GPATCH2L: variants seen among roughly 807,000 people sequenced by gnomAD.
The protein encoded by GPATCH2L is G patch domain-containing protein 2-like.
Under a neutral mutation model 57.4 loss-of-function variants are expected in GPATCH2L, and 31 were observed. The ratio of observed to expected loss-of-function variants is 0.54; its 90% CI spans 0.41 to 0.73. GPATCH2L has a LOEUF of 0.73. Among genes scored for constraint, GPATCH2L ranks in the 30% least tolerant of loss-of-function variants. The pLI is 0.00. For missense variants in GPATCH2L, 481 were observed against 599.9 expected, an observed-to-expected ratio of 0.80 and a Z score of 2.07; for synonymous variants, 199 against 210.7, an observed-to-expected ratio of 0.94 and a Z score of 0.48.
At chr14:76,166,584 T>C in intron 2 of GPATCH2L, 79 bp from the exon 3 acceptor site, 1 of 936,356 alleles carries the variant, frequency 1.1e-6, no homozygotes, top group Non-Finnish European at 1.7e-6. Flanking sequence ...TTAGGGAAGC[T>C]TGAAAACCAA....
In GPATCH2L at chr14:76,206,088, T is replaced by C. The variant is rs183346463; in HGVS notation, c.*4237T>C. 3.9e-5 allele frequency: 6 copies of C among 152,548 alleles called. No individual in the cohort carries two copies. Among genetic ancestry groups the C allele is most frequent in the African/African-American group, 1.2e-4 (5 of 41,582 alleles). The allele number at this position is 152,548 out of a possible 1,614,324, so 9.4% of individuals were successfully genotyped here. On this transcript the variant is annotated 3_prime_UTR_variant, in exon 10 of 10. Coordinates refer to ENST00000261530, the MANE Select transcript of GPATCH2L (RefSeq NM_017926.4). The stretch of plus-strand genomic sequence containing the variant: ...GAGGGATGGTAAAAGCAGTTAGCTC[T>C]TGTCAGCTGCTTCCCTCTGCTAGTG...
chr14:76,220,281 C>T (rs956614215), intron 1 of GPATCH2L, among the ~76,000 whole-genome samples: 1 of 152,078 alleles, frequency 6.6e-6, no homozygotes, highest in Non-Finnish European at 1.5e-5. Flanking sequence ...AAGAGGCATA[C>T]TTTGAGTGTT....
chr14:76,233,940 C>T (rs2040586585), intron 2 of GPATCH2L, among the ~76,000 whole-genome samples: 1 of 151,774 alleles, frequency 6.6e-6, no homozygotes, highest in African/African-American at 2.4e-5. Context: ...CTTCTCTCTA[C>T]AAAAATAAGA....
chr14:76,171,769 A>T, intron 3 of GPATCH2L, 74 bp from the exon 4 acceptor site: 1 of 880,524 alleles, frequency 1.1e-6, no homozygotes, highest in Non-Finnish European at 1.7e-6. Context: ...TGGCACTAAG[A>T]AATCATCCCT....
Position 76,171,912 on chromosome 14 carries a change from T to C in GPATCH2L, c.797T>C (p.Leu266Pro). ...CCAGGATTCACTGTCCCTAATCTTC[T>C]GCCCAAGTGGGCTCCTGATCATTGT... is the stretch of plus-strand genomic sequence containing the variant. ...CVPGFTVPNLLPKWAPDHCSE... is the reference protein window; with the variant it reads ...CVPGFTVPNLPPKWAPDHCSE... Residue 266 changes from leucine (L) to proline (P), a missense_variant, in exon 4 of 10, where the codon CTG (leucine) becomes CCG (proline). Coordinates refer to ENST00000261530, the MANE Select transcript of GPATCH2L (RefSeq NM_017926.4). The C allele has an allele frequency of 6.2e-7, 1 of 1,609,620 alleles. No individual in the cohort carries two copies. Among genetic ancestry groups the C allele is most frequent in the South Asian group, 1.1e-5 (1 of 90,786 alleles).
rs2039661843 is a variant in GPATCH2L, at chr14:76,183,736, A to G, written c.1193+2887A>G. On this transcript the variant is annotated intron_variant, in intron 8 of 9. Coordinates refer to ENST00000261530, the MANE Select transcript of GPATCH2L (RefSeq NM_017926.4). ...TCCTTTGTAATCGTTCCTCCCCAGC[A>G]AGGGGTTAGTGAAGATGGAACCGTC... Among the ~76,000 whole-genome samples, 3 of 152,152 alleles carry G rather than the reference A, an allele frequency of 2.0e-5. No homozygotes were observed. In the South Asian group the frequency reaches 6.2e-4, roughly 32 times the overall value.
chr14:76,187,791 T>G (rs2039825175), intron 8 of GPATCH2L, among the ~76,000 whole-genome samples: 1 of 152,124 alleles, frequency 6.6e-6, no homozygotes. Context: ...CACCCTGTTG[T>G]GCTATCAAAT....
Position 76,154,053 on chromosome 14 carries a change from G to A in GPATCH2L, c.-10-301G>A, listed in dbSNP as rs937059823. ...AAAAGAGAGAAGGATCTAGTCCCCC[G>A]AATTTGTTTTGGGTCCTGTCCCAGT... On this transcript the variant is annotated intron_variant, in intron 1 of 9. Coordinates refer to ENST00000261530, the MANE Select transcript of GPATCH2L (RefSeq NM_017926.4). This position sits in a 1 kb window ranked among gnomAD's most constrained non-coding sequence, Gnocchi z 4.4. 1 of 234,814 alleles carries A rather than the reference G, an allele frequency of 4.3e-6. No homozygotes were observed. Among genetic ancestry groups the A allele is most frequent in the Non-Finnish European group, 8.2e-6 (1 of 121,484 alleles). 14.5% of individuals were successfully genotyped at this position (234,814 alleles called of 1,614,324 possible).
At chr14:76,180,176 A>G (rs1170129685) in intron 7 of GPATCH2L, among the ~76,000 whole-genome samples, 1 of 152,122 alleles carries the variant, frequency 6.6e-6, no homozygotes, top group East Asian at 1.9e-4. Context: ...AGCCTAGGTG[A>G]TGGAGTGATT....
chr14:76,190,183 C>A (rs939687034), intron 8 of GPATCH2L, among the ~76,000 whole-genome samples: 3 of 151,880 alleles, frequency 2.0e-5, no homozygotes, highest in African/African-American at 7.3e-5. Context: ...CTAAGTAACA[C>A]TGCAGTTTTA....
At chr14:76,153,662 A>G (rs989267121) in intron 1 of GPATCH2L, 5 of 152,214 alleles carry the variant, frequency 3.3e-5, no homozygotes, top group African/African-American at 1.2e-4. Flanking sequence ...ATAAGGTTCT[A>G]TACCTGGTAG....
chr14:76,190,298 G>A (rs2039919695), intron 8 of GPATCH2L, among the ~76,000 whole-genome samples: 1 of 152,006 alleles, frequency 6.6e-6, no homozygotes, highest in African/African-American at 2.4e-5. Context: ...GTTAATTTCA[G>A]CATTCACCTT....
At chr14:76,221,703 A>G (rs1351968225) in intron 1 of GPATCH2L, among the ~76,000 whole-genome samples, 1 of 152,226 alleles carries the variant, frequency 6.6e-6, no homozygotes, top group Non-Finnish European at 1.5e-5. Context: ...TTAAATGCAT[A>G]TTGCTAAGTG....
chr14:76,235,282 A>G (rs1222730069), intron 2 of GPATCH2L, among the ~76,000 whole-genome samples: 1 of 152,216 alleles, frequency 6.6e-6, no homozygotes, highest in Non-Finnish European at 1.5e-5. Flanking sequence ...CTCACCTTGA[A>G]TTGTAATACT....
chr14:76,197,011 T>G (rs557548111), intron 9 of GPATCH2L, among the ~76,000 whole-genome samples: 1 of 152,310 alleles, frequency 6.6e-6, no homozygotes, highest in South Asian at 2.1e-4. Context: ...AGCTGAACAC[T>G]TTGTAAACAT....
At chr14:76,170,135 G>C (rs188136757) in intron 3 of GPATCH2L, among the ~76,000 whole-genome samples, 1 of 152,138 alleles carries the variant, frequency 6.6e-6, no homozygotes, top group Non-Finnish European at 1.5e-5. Flanking sequence ...AATATCTCCT[G>C]CTTTTCACCA....
chr14:76,218,858 AG>A (rs144514097), downstream of GPATCH2L, among the ~76,000 whole-genome samples: 3,142 of 152,124 alleles, frequency 0.021, 61 homozygotes, highest in South Asian at 0.044. Flanking sequence ...AGTGGAAAAA[AG>A]ATTAGTCAGC....
rs1006279427 is a variant in GPATCH2L, at chr14:76,202,389, A to G, written c.*538A>G. The G allele has an allele frequency of 6.6e-6, 1 of 152,662 alleles. No homozygotes were observed. Among genetic ancestry groups the G allele is most frequent in the Admixed American group, 6.5e-5 (1 of 15,280 alleles). The allele number at this position is 152,662 out of a possible 1,614,324, so 9.5% of individuals were successfully genotyped here. ...TAAATCAACCAAGTTTTGGGGCCTC[A>G]AAAGAGACACCAGCAACTGGGCCTT... On this transcript the variant is annotated 3_prime_UTR_variant, in exon 10 of 10. Transcript: ENST00000261530.
intron 8 of GPATCH2L, among the ~76,000 whole-genome samples, chr14:76,186,291 T>C (rs1476650501): frequency 6.6e-6 from 1 of 152,050 alleles, no homozygotes; most frequent in African/African-American, 2.4e-5. Flanking sequence ...CATTAGAGAG[T>C]TGAAATAGGA....
Sources: gnomAD v4.1 joint callset for allele counts (sites outside exome capture counted in the v4.1 genomes callset) on GRCh38, gnomAD v4.1.1 for gene constraint, Gnocchi (gnomAD v3.1) non-coding constraint, MANE v1.5 for transcripts, NCBI Gene and HGNC (gene_info 2026-07-23, HGNC 2026-07-21) for gene names.